Variants in SLC44A5 observed in about 807,000 individuals in gnomAD.
SLC44A5 encodes choline transporter-like protein 5.
A neutral mutation model predicts 101.8 loss-of-function variants in SLC44A5; 57 were observed. That is an observed-to-expected ratio of 0.56 (90% CI 0.45 to 0.70). The LOEUF is 0.70. Among genes scored for constraint, SLC44A5 ranks in the 30% least tolerant of loss-of-function variants. The probability of loss-of-function intolerance (pLI) is 0.00; values close to 1 mark genes in which losing one functional copy is unlikely to be tolerated. For synonymous variants in SLC44A5, 281 were observed against 290.9 expected, an observed-to-expected ratio of 0.97 and a Z score of 0.35; for missense variants, 737 against 853.1, an observed-to-expected ratio of 0.86 and a Z score of 1.70.
chr1:75,717,889 A>C, the SLC44A5 span, among the ~76,000 whole-genome samples: 1 of 152,220 alleles, frequency 6.6e-6, no homozygotes, highest in African/African-American at 2.4e-5. Context: ...GTAAAAGAGA[A>C]AGCTGACCAA....
intron 10 of SLC44A5, among the ~76,000 whole-genome samples, chr1:75,237,911 A>C (rs909666513): frequency 1.3e-5 from 2 of 151,198 alleles, no homozygotes; most frequent in Non-Finnish European, 3.0e-5. Flanking sequence ...CAATGCAGCG[A>C]TATGCTGTAC....
chr1:75,403,844 T>C (rs1202391960), intron 2 of SLC44A5, among the ~76,000 whole-genome samples: 2 of 152,092 alleles, frequency 1.3e-5, no homozygotes, highest in African/African-American at 4.8e-5. Context: ...GGACAGAGAA[T>C]GAGTTTGACA....
chr1:75,706,869 T>C, the SLC44A5 span, among the ~76,000 whole-genome samples: 1 of 152,198 alleles, frequency 6.6e-6, no homozygotes, highest in Admixed American at 6.5e-5. Flanking sequence ...ATATGTGAAA[T>C]ATTTCTCATG....
chr1:75,372,561 AAGTT>A (rs1468969881), intron 3 of SLC44A5, among the ~76,000 whole-genome samples: 1 of 152,158 alleles, frequency 6.6e-6, no homozygotes, highest in Non-Finnish European at 1.5e-5. Flanking sequence ...TTCTTTGTAA[AAGTT>A]AGTTGAACAA....
chr1:75,342,869 CA>C lies in SLC44A5; in HGVS notation c.53-3240del, dbSNP rs943153087. Among the ~76,000 whole-genome samples the C allele has an allele frequency of 9.2e-5, 14 of 152,138 alleles. No homozygotes were observed. The East Asian group carries it at 1.2e-3, about 13-fold the overall frequency. ...CTTTATTTTTCAGTTGAAAATACAC[CA>C]AAACCAGTCAGATGATAAGATTGAG... On this transcript the variant is annotated intron_variant, in intron 3 of 23. Transcript: ENST00000370859.
intron 2 of SLC44A5, among the ~76,000 whole-genome samples, chr1:75,446,530 T>C (rs1665587736): frequency 6.6e-6 from 1 of 152,150 alleles, no homozygotes; most frequent in Admixed American, 6.6e-5. Flanking sequence ...TTATTTTTCT[T>C]GATTGCATGG....
chr1:75,436,301 A>T (rs979988981), intron 2 of SLC44A5, among the ~76,000 whole-genome samples: 1 of 152,040 alleles, frequency 6.6e-6, no homozygotes, highest in Non-Finnish European at 1.5e-5. Context: ...TGTATTATAC[A>T]TTTTTTTAGG....
the SLC44A5 span, among the ~76,000 whole-genome samples, chr1:75,699,716 T>C: frequency 8.6e-5 from 13 of 151,900 alleles, no homozygotes; most frequent in Admixed American, 5.9e-4. Flanking sequence ...GACTGGCAAA[T>C]TGGATAGAGT....
At chr1:75,631,330 T>A in the SLC44A5 span, among the ~76,000 whole-genome samples, 19 of 152,230 alleles carry the variant, frequency 1.2e-4, 1 homozygote, top group African/African-American at 4.6e-4. Context: ...CTTTCTTGTA[T>A]TATTACTGCT....
chr1:75,346,187 G>A (rs1032975672), intron 3 of SLC44A5, among the ~76,000 whole-genome samples: 1 of 152,086 alleles, frequency 6.6e-6, no homozygotes, highest in Non-Finnish European at 1.5e-5. Context: ...CAATACAGTG[G>A]TATCATGACC....
the SLC44A5 span, among the ~76,000 whole-genome samples, chr1:75,639,221 A>G: frequency 6.6e-6 from 1 of 152,118 alleles, no homozygotes; most frequent in Admixed American, 6.6e-5. Context: ...CCACAAAATG[A>G]TAACTATGTG....
chr1:75,649,748 TG>T, the SLC44A5 span, among the ~76,000 whole-genome samples: 4 of 152,270 alleles, frequency 2.6e-5, no homozygotes, highest in Non-Finnish European at 5.9e-5. Context: ...TAAAATAGGA[TG>T]CTTCATGGTT....
intron 11 of SLC44A5, among the ~76,000 whole-genome samples, chr1:75,235,480 A>C (rs1647992920): frequency 2.6e-5 from 4 of 151,958 alleles, no homozygotes; most frequent in Admixed American, 2.6e-4. Flanking sequence ...GAAGCGTGGA[A>C]ATTATCTAGT....
intron 3 of SLC44A5, among the ~76,000 whole-genome samples, chr1:75,388,498 C>A (rs114417044): frequency 6.6e-6 from 1 of 152,036 alleles, no homozygotes; most frequent in African/African-American, 2.4e-5. Context: ...CCTCACATAT[C>A]GTCCATGTGC....
chr1:75,249,484 T>A (rs766139935), intron 7 of SLC44A5, among the ~76,000 whole-genome samples: 1 of 152,100 alleles, frequency 6.6e-6, no homozygotes, highest in African/African-American at 2.4e-5. Flanking sequence ...TGGTGTGGCC[T>A]GGAGGTTAAA....
chr1:75,302,581 A>G (rs2100874037), intron 4 of SLC44A5, among the ~76,000 whole-genome samples: 1 of 152,234 alleles, frequency 6.6e-6, no homozygotes, highest in South Asian at 2.1e-4. Context: ...CAAACCCTGT[A>G]TTTTGTTTTT....
At chr1:75,275,720 AAACTT>A (rs1389266795) in intron 5 of SLC44A5, among the ~76,000 whole-genome samples, 2 of 152,166 alleles carry the variant, frequency 1.3e-5, no homozygotes, top group African/African-American at 4.8e-5. Flanking sequence ...TAAGAATTAT[AAACTT>A]AACTTGATAG....
intron 3 of SLC44A5, among the ~76,000 whole-genome samples, chr1:75,368,878 T>G (rs115253508): frequency 0.012 from 1,795 of 152,324 alleles, 12 homozygotes; most frequent in Non-Finnish European, 0.02. Flanking sequence ...TACTAACCAA[T>G]TAAATACATA....
At chr1:75,311,837 G>C (rs1655327148) in intron 4 of SLC44A5, 1 of 152,288 alleles carries the variant, frequency 6.6e-6, no homozygotes, top group Admixed American at 6.5e-5. Context: ...GGTTCATAAG[G>C]AAGGGGTCTC....
Sources: gnomAD v4.1 joint callset for allele counts (sites outside exome capture counted in the v4.1 genomes callset) on GRCh38, gnomAD v4.1.1 for gene constraint, MANE v1.5 for transcripts, NCBI Gene and HGNC (gene_info 2026-07-23, HGNC 2026-07-21) for gene names.